SORCS2: variants seen among roughly 807,000 people sequenced by gnomAD.
SORCS2 encodes the protein VPS10 domain-containing receptor SorCS2.
SORCS2 carries 100 observed loss-of-function variants against 141.6 expected under a neutral mutation model. The ratio of observed to expected loss-of-function variants is 0.71; its 90% CI spans 0.60 to 0.83. The LOEUF is 0.83. Among genes scored for constraint, SORCS2 ranks in the 40% least tolerant of loss-of-function variants. The pLI is 0.00. For synonymous variants in SORCS2, 789 were observed against 676.9 expected, an observed-to-expected ratio of 1.17 and a Z score of -2.57; for missense variants, 1,646 against 1,560.2, an observed-to-expected ratio of 1.05 and a Z score of -0.93.
rs1544402 is a variant in SORCS2 at position 7,729,583 on chromosome 4, G to T, written c.2983-4G>T. 7 of 1,577,296 alleles carry T rather than the reference G, an allele frequency of 4.4e-6. No individual in the cohort carries two copies. Among genetic ancestry groups the T allele is most frequent in the Non-Finnish European group, 6.0e-6 (7 of 1,161,822 alleles). ...GGACCAAAGTGGCTTAACTCTCCCC[G>T]CAGGAGACCAGCGTCCCTCAGGAGC... On this transcript the variant is annotated splice_polypyrimidine_tract_variant and splice_region_variant and intron_variant, in intron 22 of 26. Coordinates refer to ENST00000507866, the MANE Select transcript of SORCS2 (RefSeq NM_020777.3).
chr4:7,655,466 G>A (rs1721704421), intron 5 of SORCS2, among the ~76,000 whole-genome samples: 1 of 152,254 alleles, frequency 6.6e-6, no homozygotes, highest in South Asian at 2.1e-4. Flanking sequence ...GGTTCAAGTT[G>A]GCGGCTGCAG....
chr4:7,697,217 G>C lies in SORCS2; in HGVS notation c.1611G>C (p.Leu537=). The C allele has an allele frequency of 6.3e-7, 1 of 1,587,090 alleles. No individual in the cohort carries two copies. The highest frequency in any genetic ancestry group is 8.6e-7 in the Non-Finnish European group (1 of 1,166,764). Reference sequence around the variant, plus strand: ...GACCAGGTAACCTGGGCTCACAGCTGGTGGAATATAAAGAAGAAATGTACA... The same window carrying C: ...GACCAGGTAACCTGGGCTCACAGCTCGTGGAATATAAAGAAGAAATGTACA... ...IMGAGNLGSQ[L]VEYKEEMYIT... Residue 537 remains leucine (L), a synonymous_variant, in exon 12 of 27, where the codon CTG becomes CTC. Transcript: ENST00000507866.
At chr4:7,347,864 C>T (rs1029470199) in intron 1 of SORCS2, among the ~76,000 whole-genome samples, 10 of 152,186 alleles carry the variant, frequency 6.6e-5, no homozygotes, top group African/African-American at 2.4e-4. Flanking sequence ...CCGATATGAT[C>T]GCACAATTAA....
At chr4:7,682,086 G>C (rs375961088) in intron 9 of SORCS2, among the ~76,000 whole-genome samples, 92 of 152,328 alleles carry the variant, frequency 6.0e-4, no homozygotes, top group African/African-American at 2.1e-3. Context: ...GCTGATAGTT[G>C]CACGTTTCTT....
At chr4:7,391,097 C>T (rs1460861369) in intron 1 of SORCS2, among the ~76,000 whole-genome samples, 1 of 152,202 alleles carries the variant, frequency 6.6e-6, no homozygotes, top group African/African-American at 2.4e-5. Context: ...GATCAGGAAA[C>T]CGAGGCTCAG....
chr4:7,637,660 C>G (rs1023013670), intron 3 of SORCS2, among the ~76,000 whole-genome samples: 2 of 151,894 alleles, frequency 1.3e-5, no homozygotes, highest in Admixed American at 1.3e-4. Context: ...TGCAGCACCC[C>G]CTCCCTGGTG....
chr4:7,600,478 C>T (rs536930082), intron 3 of SORCS2, among the ~76,000 whole-genome samples: 22 of 152,172 alleles, frequency 1.4e-4, no homozygotes, highest in Non-Finnish European at 2.5e-4. Context: ...ATGTTGATCG[C>T]GGGAGACAGG....
At chr4:7,395,784 C>T (rs1377482642) in intron 1 of SORCS2, among the ~76,000 whole-genome samples, 1 of 152,132 alleles carries the variant, frequency 6.6e-6, no homozygotes, top group Non-Finnish European at 1.5e-5. Context: ...GGCACCACTC[C>T]AGGACAAGTA....
chr4:7,200,534 A>T (rs916622620), intron 1 of SORCS2, among the ~76,000 whole-genome samples: 2 of 152,230 alleles, frequency 1.3e-5, no homozygotes, highest in African/African-American at 4.8e-5. Context: ...GTTTATGCTT[A>T]GTACACATTT....
chr4:7,614,606 CCACCTAT>C (rs1718634785), intron 3 of SORCS2, among the ~76,000 whole-genome samples: 1 of 149,262 alleles, frequency 6.7e-6, no homozygotes, highest in African/African-American at 2.6e-5. Context: ...ATCCACCTAT[CCACCTAT>C]CCACCATCCA....
intron 1 of SORCS2, among the ~76,000 whole-genome samples, chr4:7,240,458 A>C (rs1431338434): frequency 2.0e-5 from 3 of 152,172 alleles, no homozygotes; most frequent in African/African-American, 7.2e-5. Flanking sequence ...TTTGCCGGGG[A>C]GCTTGGAGGC....
chr4:7,205,239 G>C (rs915254283), intron 1 of SORCS2, among the ~76,000 whole-genome samples: 1 of 152,148 alleles, frequency 6.6e-6, no homozygotes, highest in Non-Finnish European at 1.5e-5. Context: ...CACACACCCA[G>C]GGGTTTTCTG....
chr4:7,270,578 G>T (rs1006825224), intron 1 of SORCS2, among the ~76,000 whole-genome samples: 33 of 152,096 alleles, frequency 2.2e-4, no homozygotes, highest in African/African-American at 7.5e-4. Context: ...TCATGTCTGG[G>T]GACTAATTGT....
rs577248645 is a variant in SORCS2 at position 7,648,448 on chromosome 4, A to T, written c.814-5686A>T. ...CTGATGTCACCCCCAGGCAGCAGCG[A>T]CCTTGGGACTCAGCCCCCGCCTTCC... On this transcript the variant is annotated intron_variant, in intron 4 of 26. Transcript: ENST00000507866. This position sits in a 1 kb window ranked among gnomAD's most constrained non-coding sequence, Gnocchi z 4.2. 6.6e-6 allele frequency among the ~76,000 whole-genome samples: 1 copy of T among 152,164 alleles called. No individual in the cohort carries two copies. The highest frequency in any genetic ancestry group is 6.5e-5 in the Admixed American group (1 of 15,302).
At chr4:7,329,766 C>A (rs1719526306) in intron 1 of SORCS2, among the ~76,000 whole-genome samples, 1 of 152,210 alleles carries the variant, frequency 6.6e-6, no homozygotes, top group Admixed American at 6.5e-5. Flanking sequence ...AAAGTGACAT[C>A]CATCCTGCAG....
chr4:7,416,534 A>G (rs1459871962), intron 2 of SORCS2, among the ~76,000 whole-genome samples: 2 of 152,142 alleles, frequency 1.3e-5, no homozygotes, highest in Admixed American at 6.5e-5. Context: ...ACACACTCAC[A>G]CACGCCCACA....
chr4:7,408,220 C>T (rs954544647), intron 2 of SORCS2, among the ~76,000 whole-genome samples: 27 of 152,014 alleles, frequency 1.8e-4, no homozygotes, highest in African/African-American at 5.3e-4. Flanking sequence ...TGCATGCTAG[C>T]GTTTTAATTT....
intron 1 of SORCS2, among the ~76,000 whole-genome samples, chr4:7,285,326 C>A (rs565521222): frequency 2.9e-4 from 44 of 152,328 alleles, no homozygotes; most frequent in African/African-American, 1.0e-3. Flanking sequence ...AGCCACCACG[C>A]CCGGCCCCAT....
At chr4:7,410,217 G>T (rs995747030) in intron 2 of SORCS2, among the ~76,000 whole-genome samples, 1 of 152,224 alleles carries the variant, frequency 6.6e-6, no homozygotes, top group Non-Finnish European at 1.5e-5. Flanking sequence ...CTGTCATGCT[G>T]ATTAGGCTGT....
Sources: gnomAD v4.1 joint callset for allele counts (sites outside exome capture counted in the v4.1 genomes callset) on GRCh38, gnomAD v4.1.1 for gene constraint, Gnocchi (gnomAD v3.1) non-coding constraint, MANE v1.5 for transcripts, NCBI Gene and HGNC (gene_info 2026-07-23, HGNC 2026-07-21) for gene names.